ACTR3C: variants seen among roughly 807,000 people sequenced by gnomAD.
ACTR3C encodes the protein actin-related protein 3C.
A neutral mutation model predicts 26.3 loss-of-function variants in ACTR3C; 18 were observed. The ratio of observed to expected loss-of-function variants is 0.68; its 90% confidence interval spans 0.47 to 1.01. ACTR3C has a LOEUF of 1.01. Ranked by LOEUF, ACTR3C falls within the 50% of genes least tolerant of loss-of-function variation. The probability of loss-of-function intolerance (pLI) is 0.00; values close to 1 mark genes in which losing one functional copy is unlikely to be tolerated. For missense variants in ACTR3C, 184 were observed against 250.7 expected (o/e 0.73, Z 1.80); for synonymous variants, 55 against 94.5 (o/e 0.58, Z 2.42).
the ACTR3C span, among the ~76,000 whole-genome samples, chr7:150,170,038 T>C: frequency 2.0e-5 from 3 of 149,362 alleles, no homozygotes; most frequent in Non-Finnish European, 2.9e-5. Context: ...AGGTGTGGTT[T>C]AGTTTTATCC....
At chr7:149,882,225 G>A in the ACTR3C span, 5 of 152,588 alleles carry the variant, frequency 3.3e-5, no homozygotes, top group African/African-American at 1.2e-4. Context: ...CCAGGATTGG[G>A]GTGGGGGGCA....
At chr7:150,064,398 C>A in the ACTR3C span, among the ~76,000 whole-genome samples, 1 of 142,648 alleles carries the variant, frequency 7.0e-6, no homozygotes, top group African/African-American at 2.6e-5. Flanking sequence ...CCCCAACCCC[C>A]CGCTAAAAAT....
At chr7:150,193,029 A>G in the ACTR3C span, among the ~76,000 whole-genome samples, 5 of 152,294 alleles carry the variant, frequency 3.3e-5, no homozygotes, top group African/African-American at 1.2e-4. Context: ...TCCTTCTCCC[A>G]AACTTCCTTA....
chr7:150,156,957 A>C, the ACTR3C span, among the ~76,000 whole-genome samples: 2 of 151,720 alleles, frequency 1.3e-5, no homozygotes, highest in Admixed American at 1.3e-4. Context: ...CTTACCACCT[A>C]TCAGTTCTTT....
At chr7:149,968,944 C>T in the ACTR3C span, among the ~76,000 whole-genome samples, 1 of 151,978 alleles carries the variant, frequency 6.6e-6, no homozygotes, top group African/African-American at 2.4e-5. Context: ...CTTTCTTCCA[C>T]CGTCATTGCT....
At chr7:149,903,624 C>G in the ACTR3C span, among the ~76,000 whole-genome samples, 1 of 151,678 alleles carries the variant, frequency 6.6e-6, no homozygotes, top group Non-Finnish European at 1.5e-5. Context: ...TCACTCCAGC[C>G]TCGATCTCCT....
At chr7:150,088,271 T>C in the ACTR3C span, among the ~76,000 whole-genome samples, 1 of 152,268 alleles carries the variant, frequency 6.6e-6, no homozygotes, top group East Asian at 1.9e-4. Flanking sequence ...AAGCTAAGTA[T>C]TGTCTTCCTT....
chr7:150,183,463 G>A, the ACTR3C span, among the ~76,000 whole-genome samples: 1 of 149,776 alleles, frequency 6.7e-6, no homozygotes, highest in African/African-American at 2.6e-5. Context: ...GCTTATGTGT[G>A]CAGTTGGCAG....
the ACTR3C span, among the ~76,000 whole-genome samples, chr7:150,089,601 T>A: frequency 2.0e-5 from 3 of 152,204 alleles, no homozygotes; most frequent in African/African-American, 7.2e-5. Context: ...AGGGGTATTA[T>A]GTTAAAGGTT....
chr7:150,164,936 T>C, the ACTR3C span, among the ~76,000 whole-genome samples: 1 of 152,186 alleles, frequency 6.6e-6, no homozygotes, highest in Admixed American at 6.5e-5. Flanking sequence ...ATTGAGCTAT[T>C]ATTTCTTTTC....
chr7:149,972,897 A>C, the ACTR3C span, among the ~76,000 whole-genome samples: 1 of 152,082 alleles, frequency 6.6e-6, no homozygotes, highest in African/African-American at 2.4e-5. Context: ...CGTGGGCGGC[A>C]TGTCTGTCCC....
At chr7:150,294,483 T>C (rs1022446901) in intron 2 of ACTR3C, among the ~76,000 whole-genome samples, 4 of 152,230 alleles carry the variant, frequency 2.6e-5, no homozygotes, top group Non-Finnish European at 4.4e-5. Context: ...CCATGGAATA[T>C]AAGTAACTTA....
the ACTR3C span, among the ~76,000 whole-genome samples, chr7:150,005,867 T>C: frequency 0.036 from 5,451 of 152,244 alleles, 103 homozygotes; most frequent in Middle Eastern, 0.075. Flanking sequence ...GATAGAAACT[T>C]TTCTTCTGCC....
the ACTR3C span, among the ~76,000 whole-genome samples, chr7:150,118,880 G>A: frequency 3.5e-4 from 53 of 149,326 alleles, 1 homozygote; most frequent in South Asian, 0.011. Context: ...GACTAACAGC[G>A]GATCTCTCTG....
At chr7:150,129,244 T>A in the ACTR3C span, among the ~76,000 whole-genome samples, 3 of 152,006 alleles carry the variant, frequency 2.0e-5, no homozygotes, top group African/African-American at 7.2e-5. Context: ...CCAAAAGATA[T>A]CTGCCAAATG....
chr7:150,157,480 T>G, the ACTR3C span, among the ~76,000 whole-genome samples: 1 of 151,658 alleles, frequency 6.6e-6, no homozygotes, highest in East Asian at 2.0e-4. Context: ...GGCTCAGAGA[T>G]GTTGGGCAAC....
chr7:149,942,708 C>T, the ACTR3C span, among the ~76,000 whole-genome samples: 6 of 150,228 alleles, frequency 4.0e-5, no homozygotes, highest in African/African-American at 1.0e-4. Flanking sequence ...AATATCCCAG[C>T]GAAGTATGGA....
the ACTR3C span, among the ~76,000 whole-genome samples, chr7:150,076,824 A>AT: frequency 6.6e-6 from 1 of 152,158 alleles, no homozygotes; most frequent in Non-Finnish European, 1.5e-5. Context: ...ATTCCAAAGT[A>AT]TTTTTGGAGG....
chr7:150,287,614 C>G (rs981031405), intron 4 of ACTR3C, among the ~76,000 whole-genome samples: 5 of 152,190 alleles, frequency 3.3e-5, no homozygotes, highest in African/African-American at 1.2e-4. Context: ...ATGGCTCTCT[C>G]AAGGACCTCC....
Sources: allele counts gnomAD v4.1 joint callset (sites outside exome capture counted in the v4.1 genomes callset), GRCh38; gene constraint gnomAD v4.1.1; transcripts MANE v1.5; gene names NCBI Gene and HGNC (gene_info 2026-07-23, HGNC 2026-07-21).